Variants in MROH2A observed in about 807,000 individuals in gnomAD.
MROH2A encodes maestro heat like repeat family member 2A.
Under a neutral mutation model 200.4 loss-of-function variants are expected in MROH2A, and 174 were observed. That is an observed-to-expected ratio of 0.87 (90% CI 0.77 to 0.98). The LOEUF (loss-of-function observed/expected upper bound fraction) is 0.98. Among genes scored for constraint, MROH2A ranks in the 50% least tolerant of loss-of-function variants. The pLI is 0.00. For synonymous variants in MROH2A, 829 were observed against 840.4 expected (o/e 0.99, Z 0.23); for missense variants, 2,045 against 2,139.6 (o/e 0.96, Z 0.87).
intron 33 of MROH2A, 133 bp from the exon 34 acceptor site, chr2:233,822,748 C>T (rs1704031501): frequency 2.4e-6 from 3 of 1,255,832 alleles, no homozygotes; most frequent in Non-Finnish European, 3.3e-6. Context: ...TCCACTCCCT[C>T]CCTGGACCTT....
chr2:233,816,230 C>G (rs1292629048), intron 26 of MROH2A, among the ~76,000 whole-genome samples: 2 of 152,142 alleles, frequency 1.3e-5, no homozygotes, highest in Admixed American at 1.3e-4. Flanking sequence ...TTTCTGTCTC[C>G]TTTTTGATGT....
At chr2:233,832,526 T>G (rs979518878) in intron 40 of MROH2A, 53 bp from the exon 41 acceptor site, 6 of 1,345,080 alleles carry the variant, frequency 4.5e-6, no homozygotes, top group Non-Finnish European at 4.2e-6. Flanking sequence ...CAGGACGACT[T>G]GCCTGCTGAC....
rs772781976 is a variant in MROH2A, at chr2:233,818,747, T to G, written c.3181T>G (p.Cys1061Gly). Residue 1061 changes from cysteine (C) to glycine (G), a missense_variant, in exon 29 of 42, where the codon TGT becomes GGT. Cys to Gly is a radical substitution (Grantham distance 159). This residue lies in a region of MROH2A where 1,201 missense variants were observed against 1,311.3 expected (regional missense o/e 0.92). Coordinates refer to ENST00000389758, the MANE Select transcript of MROH2A (RefSeq NM_001394639.1). ...GAGCACAGATGTGGAGAAGATCTTC[T>G]GTGCATCCTCCAGAATCGCCAAGGT... ...LQSTDVEKIFCASSRIAKVVC... is the reference protein window; with the variant it reads ...LQSTDVEKIFGASSRIAKVVC... 3.9e-6 allele frequency: 6 copies of G among 1,548,700 alleles called. No homozygotes were observed. In the South Asian group the frequency reaches 7.1e-5, roughly 18 times the overall value.
Position 233,818,008 on chromosome 2 carries a change from C to T in MROH2A, c.2968C>T (p.Leu990=). ...ACGGTCTCCTGTCCCTCAGATCCAC[C>T]TAAAGCTGGGGCAGTTTGGCACAAT... ...YVHSTAVCIH[L]KLGQFGTMVG... is the part of the protein sequence containing the mutation. The change falls in exon 28 of 42, where the codon CTA becomes TTA. Residue 990 remains leucine, a synonymous_variant. Transcript: ENST00000389758. 3.9e-6 allele frequency: 6 copies of T among 1,550,936 alleles called. No individual in the cohort carries two copies. Among genetic ancestry groups the T allele is most frequent in the East Asian group, 4.9e-5 (2 of 40,928 alleles).
Position 233,799,894 on chromosome 2 carries a change from A to C in MROH2A, c.1444A>C (p.Lys482Gln). 1.3e-6 allele frequency: 2 copies of C among 1,550,404 alleles called. No homozygotes were observed. Among genetic ancestry groups the C allele is most frequent in the Non-Finnish European group, 1.7e-6 (2 of 1,146,894 alleles). ...LSVQLTLSTYKLTNRREKFYQ... is the reference protein window; with the variant it reads ...LSVQLTLSTYQLTNRREKFYQ... ...TGTGCAGCTGACCTTATCCACCTAC[A>C]AACTGGTGAGTGGCCCTGATACGCA... Residue 482 changes from lysine (K) to glutamine (Q), a missense_variant, in exon 13 of 42, where the codon AAA (lysine) becomes CAA (glutamine). Lys to Gln is a moderately conservative substitution (Grantham distance 53, BLOSUM62 1). Coordinates refer to ENST00000389758, the MANE Select transcript of MROH2A (RefSeq NM_001394639.1).
chr2:233,792,975 G>A, intron 6 of MROH2A, 81 bp downstream of exon 6: 1 of 1,371,810 alleles, frequency 7.3e-7, no homozygotes, highest in Non-Finnish European at 1.0e-6. Flanking sequence ...CAGATGGAGG[G>A]GTTGTTGAAA....
chr2:233,790,627 C>T (rs1701685358), intron 5 of MROH2A, among the ~76,000 whole-genome samples: 1 of 862 alleles, frequency 1.2e-3, no homozygotes, highest in East Asian at 0.038. Flanking sequence ...CCCCTCCCCT[C>T]CCCTCCCCTC....
At chr2:233,800,165 G>C (rs886331622) in intron 13 of MROH2A, 40 bp from the exon 14 acceptor site, 14 of 1,433,906 alleles carry the variant, frequency 9.8e-6, no homozygotes, top group Admixed American at 2.1e-5. Flanking sequence ...ACAAACCTCT[G>C]CTAGGCCACA....
intron 35 of MROH2A, among the ~76,000 whole-genome samples, chr2:233,825,348 C>G (rs1473053042): frequency 6.6e-6 from 1 of 152,216 alleles, no homozygotes; most frequent in African/African-American, 2.4e-5. Flanking sequence ...GCCGGAACTT[C>G]CAATACTATG....
chr2:233,811,730 T>A, intron 23 of MROH2A, 150 bp from the exon 24 acceptor site: 1 of 632,540 alleles, frequency 1.6e-6, no homozygotes, highest in Non-Finnish European at 2.8e-6. Flanking sequence ...TCCCCTAAGA[T>A]GCCAAAAGCC....
chr2:233,792,867 G>A lies in MROH2A; in HGVS notation c.643G>A (p.Ala215Thr). The A allele has an allele frequency of 1.9e-6, 3 of 1,550,594 alleles. No individual in the cohort carries two copies. Among genetic ancestry groups the A allele is most frequent in the South Asian group, 1.2e-5 (1 of 84,064 alleles). The change falls in exon 6 of 42, where the codon GCC becomes ACC. Residue 215 changes from alanine (A) to threonine (T), a missense_variant. By Grantham distance (58) the Ala-to-Thr change is moderately conservative. Around this residue, in one of 3 missense-constraint regions of MROH2A, gnomAD observed 831 missense variants for 800.0 expected, o/e 1.04. Coordinates refer to ENST00000389758, the MANE Select transcript of MROH2A (RefSeq NM_001394639.1). ...CACCATGCTGAGACTTGCCAATGAA[G>A]CCAAGATACGCCAGGCGATCTGCAG... ...IFTMLRLANEAKIRQAICSAM... is the reference protein window; with the variant it reads ...IFTMLRLANETKIRQAICSAM...
chr2:233,832,397 C>A, intron 40 of MROH2A, 118 bp downstream of exon 40: 1 of 1,008,124 alleles, frequency 9.9e-7, no homozygotes, highest in Non-Finnish European at 1.5e-6. Flanking sequence ...GAGACCAGAG[C>A]TCAGGTCTAA....
chr2:233,818,082 C>T lies in MROH2A; in HGVS notation c.3042C>T (p.Arg1014=), dbSNP rs1322348462. 1.3e-6 allele frequency: 2 copies of T among 1,550,976 alleles called. No homozygotes were observed. The highest frequency in any genetic ancestry group is 1.7e-6 in the Non-Finnish European group (2 of 1,147,084). ...PCTCDAHQRT[R]MASMNVLSSL... is the part of the protein sequence containing the mutation. ...CCTGTGATGCCCATCAAAGAACCCG[C>T]ATGGCCTCAATGAATGTCCTGTCCA... The change falls in exon 28 of 42, where the codon CGC becomes CGT. Residue 1014 remains arginine, a synonymous_variant. Coordinates refer to ENST00000389758, the MANE Select transcript of MROH2A (RefSeq NM_001394639.1).
At chr2:233,814,734 G>GC in intron 26 of MROH2A, 57 bp downstream of exon 26, 1 of 1,220,932 alleles carries the variant, frequency 8.2e-7, no homozygotes, top group Non-Finnish European at 1.2e-6. Context: ...CCAGAAGCTG[G>GC]ACTGAGGGCC....
chr2:233,830,079 T>TC (rs1383130504), intron 38 of MROH2A, among the ~76,000 whole-genome samples: 2 of 152,172 alleles, frequency 1.3e-5, no homozygotes, highest in African/African-American at 2.4e-5. Flanking sequence ...TCTAGCAGAT[T>TC]CTGTAACTGG....
At position 233,827,156 on chromosome 2, in the gene MROH2A, C is replaced by T. The variant is rs145572644; in HGVS notation, c.4114-1474C>T. Among the ~76,000 whole-genome samples the T allele has an allele frequency of 2.0e-3, 304 of 152,302 alleles. 2 individuals are homozygous for T. The highest frequency in any genetic ancestry group is 6.9e-3 in the African/African-American group (286 of 41,558). Reference sequence around the variant, plus strand: ...AAATTAGTTCAACCATTGTGGAAGACGGTGTGGTGATTCCTCAAAGATCTA... The same window carrying T: ...AAATTAGTTCAACCATTGTGGAAGATGGTGTGGTGATTCCTCAAAGATCTA... On this transcript the variant is annotated intron_variant, in intron 35 of 41. Transcript: ENST00000389758.
chr2:233,782,752 T>G (rs184366267), intron 3 of MROH2A, among the ~76,000 whole-genome samples: 54 of 152,308 alleles, frequency 3.5e-4, no homozygotes, highest in African/African-American at 1.3e-3. Flanking sequence ...AGTATTATGT[T>G]GAAGAGCAGT....
chr2:233,830,991 C>T (rs906821169), intron 38 of MROH2A, among the ~76,000 whole-genome samples: 7 of 152,170 alleles, frequency 4.6e-5, no homozygotes, highest in African/African-American at 1.7e-4. Flanking sequence ...ATTTTGTCTT[C>T]CTGCCCTGCC....
chr2:233,815,283 T>G (rs913425699), intron 26 of MROH2A, among the ~76,000 whole-genome samples: 1 of 152,234 alleles, frequency 6.6e-6, no homozygotes, highest in Admixed American at 6.5e-5. Flanking sequence ...TTATAGAACC[T>G]TTTACAGGTT....
Sources: allele counts gnomAD v4.1 joint callset (sites outside exome capture counted in the v4.1 genomes callset), GRCh38; gene constraint gnomAD v4.1.1; regional missense constraint gnomAD v4.1.1; transcripts MANE v1.5; gene names NCBI Gene and HGNC (gene_info 2026-07-23, HGNC 2026-07-21).